SH3YL1: variants seen among roughly 807,000 people sequenced by gnomAD.
The protein encoded by SH3YL1 is SH3 and SYLF domain containing 1, also known as SH3 domain-containing YSC84-like protein 1.
Under a neutral mutation model 45.8 loss-of-function variants are expected in SH3YL1, and 41 were observed. That is an observed-to-expected ratio of 0.89 (90% CI 0.70 to 1.16). The LOEUF (loss-of-function observed/expected upper bound fraction) is 1.16. Among genes scored for constraint, SH3YL1 ranks in the 50% most tolerant of loss-of-function variants. The pLI, the probability that SH3YL1 is intolerant of heterozygous loss-of-function variation, is 0.00. For missense variants in SH3YL1, 389 were observed against 409.6 expected (o/e 0.95, Z 0.43); for synonymous variants, 152 against 151.4 (o/e 1.00, Z -0.03).
At chr2:244,278 C>T (rs183023189) in intron 4 of SH3YL1, among the ~76,000 whole-genome samples, 123 of 152,014 alleles carry the variant, frequency 8.1e-4, no homozygotes, top group Non-Finnish European at 1.5e-3. Context: ...AGGCGGATCA[C>T]GAGGTCAGGA....
intron 7 of SH3YL1, 168 bp downstream of exon 7, chr2:230,855 C>G (rs1235025559): frequency 1.5e-6 from 1 of 647,594 alleles, no homozygotes. Flanking sequence ...TCCCTGAAAT[C>G]TGTACAGAGG....
intron 6 of SH3YL1, among the ~76,000 whole-genome samples, chr2:231,954 A>G (rs1000250784): frequency 1.3e-5 from 2 of 151,174 alleles, no homozygotes; most frequent in Non-Finnish European, 3.0e-5. Context: ...TGGGGTAAAC[A>G]CTGGATGCTT....
At chr2:248,385 T>TA (rs1558248431) in intron 3 of SH3YL1, among the ~76,000 whole-genome samples, 1 of 152,148 alleles carries the variant, frequency 6.6e-6, no homozygotes, top group East Asian at 1.9e-4. Flanking sequence ...TACCCAGGCT[T>TA]AGAGAAGTTT....
At chr2:219,461 C>A (rs6729224) in intron 9 of SH3YL1, among the ~76,000 whole-genome samples, 44,177 of 151,848 alleles carry the variant, frequency 0.29, 7,150 homozygotes, top group East Asian at 0.59. Flanking sequence ...GCACCTTCCT[C>A]CTTGTGAGGA....
chr2:241,028 A>T (rs974272754), intron 4 of SH3YL1: 1 of 152,210 alleles, frequency 6.6e-6, no homozygotes. Flanking sequence ...ACATAGAAAA[A>T]AAATTTAAAA....
In SH3YL1 at chr2:234,175, A is replaced by G; in HGVS notation, c.389T>C (p.Val130Ala). Residue 130 changes from valine to alanine, a missense_variant, in exon 5 of 10, where the codon GTT (valine) becomes GCT (alanine). Transcript: ENST00000356150. ...LTLGGNLTVA[V>A]GPLGRNLEGN... ...AAGAACTCACCTTCCCAAGGGCCCA[A>G]CCGCCACAGTCAAGTTCCCTCCGAG... 1 of 1,613,722 alleles carries G rather than the reference A, an allele frequency of 6.2e-7. No individual in the cohort carries two copies. Among genetic ancestry groups the G allele is most frequent in the South Asian group, 1.1e-5 (1 of 91,002 alleles).
chr2:234,536 A>C (rs1668200871), intron 4 of SH3YL1, among the ~76,000 whole-genome samples: 1 of 152,144 alleles, frequency 6.6e-6, no homozygotes, highest in African/African-American at 2.4e-5. Flanking sequence ...CATGTCCTTC[A>C]ATCTTCCACA....
chr2:227,863 G>A (rs1334036336), intron 8 of SH3YL1, among the ~76,000 whole-genome samples: 1 of 149,864 alleles, frequency 6.7e-6, no homozygotes, highest in Non-Finnish European at 1.5e-5. Context: ...CCCTCCATAT[G>A]AGCATACGTG....
intron 4 of SH3YL1, among the ~76,000 whole-genome samples, chr2:246,343 C>T (rs1387168010): frequency 2.0e-5 from 3 of 152,102 alleles, no homozygotes; most frequent in Admixed American, 6.5e-5. Flanking sequence ...GGCTAAAAGT[C>T]CAAAATTTTC....
intron 1 of SH3YL1, among the ~76,000 whole-genome samples, chr2:257,804 T>C (rs1257378358): frequency 6.6e-6 from 1 of 152,232 alleles, no homozygotes; most frequent in African/African-American, 2.4e-5. Flanking sequence ...TTCAAGTCTT[T>C]AATCCATCTT....
chr2:250,246 C>A (rs964480354), intron 2 of SH3YL1, among the ~76,000 whole-genome samples: 5 of 152,110 alleles, frequency 3.3e-5, no homozygotes, highest in Admixed American at 6.6e-5. Flanking sequence ...TAAGGAGAAA[C>A]TTTAAAAATT....
chr2:254,673 C>T (rs1669233346), intron 1 of SH3YL1, among the ~76,000 whole-genome samples: 1 of 152,216 alleles, frequency 6.6e-6, no homozygotes, highest in East Asian at 1.9e-4. Flanking sequence ...TGAGGCAAAC[C>T]TGCCTCCCAT....
chr2:264,814 G>A, upstream of SH3YL1: 5 of 875,976 alleles, frequency 5.7e-6, 1 homozygote, highest in South Asian at 9.1e-5. Flanking sequence ...GCGCACTGGA[G>A]CCGATTGCGC....
At chr2:258,165 T>G (rs1292717058) in intron 1 of SH3YL1, among the ~76,000 whole-genome samples, 4 of 152,216 alleles carry the variant, frequency 2.6e-5, no homozygotes, top group Non-Finnish European at 5.9e-5. Context: ...AATTTTAAAA[T>G]AGTTTTGTTT....
In SH3YL1 at chr2:247,607, T is replaced by TA; in HGVS notation, c.227-6dup. ...TGGCTGAGGGTGCAGACCATTCTAA[T>TA]AAAAAAACAAACGAACGTTATCCTA... On this transcript the variant is annotated splice_polypyrimidine_tract_variant and splice_region_variant and intron_variant, in intron 3 of 9. Transcript: ENST00000356150. 1 of 1,548,028 alleles carries TA rather than the reference T, an allele frequency of 6.5e-7. No individual in the cohort carries two copies. Among genetic ancestry groups the TA allele is most frequent in the Non-Finnish European group, 8.7e-7 (1 of 1,145,872 alleles).
At chr2:237,955 T>C (rs1311789777) in intron 4 of SH3YL1, among the ~76,000 whole-genome samples, 2 of 152,168 alleles carry the variant, frequency 1.3e-5, no homozygotes, top group Non-Finnish European at 2.9e-5. Flanking sequence ...GTCCCTCTTC[T>C]CTGCGACTGA....
Position 263,683 on chromosome 2 carries a change from C to T in SH3YL1, c.1+301G>A, listed in dbSNP as rs1397312773. 6 of 374,046 alleles carry T rather than the reference C, an allele frequency of 1.6e-5. No individual in the cohort carries two copies. The East Asian group carries it at 2.7e-4, about 17-fold the overall frequency. 23.2% of individuals were successfully genotyped at this position (374,046 alleles called of 1,614,324 possible). ...CTTCTGTGGAACGGAAGGATGGTCG[C>T]TGACACCTCGCCGTTCAAATATCAG... On this transcript the variant is annotated intron_variant, in intron 1 of 9. Coordinates refer to ENST00000356150, the MANE Select transcript of SH3YL1 (RefSeq NM_015677.4).
upstream of SH3YL1, chr2:264,131 T>C: frequency 8.2e-7 from 1 of 1,213,414 alleles, no homozygotes; most frequent in Non-Finnish European, 1.1e-6. Flanking sequence ...GCCGTGTACG[T>C]TTCGCGGGAC....
At chr2:232,094 T>G (rs1218766213) in intron 6 of SH3YL1, among the ~76,000 whole-genome samples, 3 of 152,318 alleles carry the variant, frequency 2.0e-5, no homozygotes, top group Non-Finnish European at 1.5e-5. Context: ...GCTGTCAGTC[T>G]TAGCTCTTTA....
Sources: gnomAD v4.1 joint callset for allele counts (sites outside exome capture counted in the v4.1 genomes callset) on GRCh38, gnomAD v4.1.1 for gene constraint, MANE v1.5 for transcripts, NCBI Gene and HGNC (gene_info 2026-07-23, HGNC 2026-07-21) for gene names.